The following KDM2B variants were observed in gnomAD, a reference collection of about 807,000 sequenced individuals.
The protein encoded by KDM2B is lysine demethylase 2B.
A neutral mutation model predicts 150.0 loss-of-function variants in KDM2B; 26 were observed. That is an observed-to-expected ratio of 0.17 (90% CI 0.13 to 0.24). The LOEUF (loss-of-function observed/expected upper bound fraction) is 0.24. KDM2B is among the 10% of genes least tolerant of loss of function. KDM2B has a pLI of 1.00. For synonymous variants in KDM2B, 734 were observed against 729.5 expected (o/e 1.01, Z -0.10); for missense variants, 1,265 against 1,816.9 (o/e 0.70, Z 5.52).
Position 121,453,706 on chromosome 12 carries a change from G to C in KDM2B, c.1735-362C>G, listed in dbSNP as rs1555292216. Among the ~76,000 whole-genome samples, 1 of 152,086 alleles carries C rather than the reference G, an allele frequency of 6.6e-6. No homozygotes were observed. The highest frequency in any genetic ancestry group is 2.4e-5 in the African/African-American group (1 of 41,400). ...GGATGGCAGCACATACCAGGAGCTG[G>C]AGGCGCGGGGAAGGACCCTCCCCTA... On this transcript the variant is annotated intron_variant, in intron 12 of 22. Coordinates refer to ENST00000377071, the MANE Select transcript of KDM2B (RefSeq NM_032590.5). The surrounding 1 kb of genome is among the most constrained non-coding windows in gnomAD (Gnocchi z 6.4).
chr12:121,557,404 A>AT (rs1168938991), intron 4 of KDM2B, among the ~76,000 whole-genome samples: 2 of 151,612 alleles, frequency 1.3e-5, no homozygotes, highest in African/African-American at 2.4e-5. Flanking sequence ...CTTCCGGCTA[A>AT]TTTTTTTGTA....
At chr12:121,565,718 C>G (rs970200971) in intron 4 of KDM2B, among the ~76,000 whole-genome samples, 1 of 151,726 alleles carries the variant, frequency 6.6e-6, no homozygotes, top group Admixed American at 6.6e-5. Flanking sequence ...TCCGCCCCAC[C>G]GGGTTCAAGC....
At chr12:121,423,610 A>G in the KDM2B span, 12 of 1,580,932 alleles carry the variant, frequency 7.6e-6, no homozygotes, top group Admixed American at 2.1e-4. The surrounding 1 kb of genome is among the most constrained non-coding windows in gnomAD (Gnocchi z 4.3). Flanking sequence ...GTCACCCCCA[A>G]ACTTGACCCC....
intron 8 of KDM2B, among the ~76,000 whole-genome samples, chr12:121,528,292 C>G (rs1286349087): frequency 6.6e-6 from 1 of 152,230 alleles, no homozygotes. Flanking sequence ...GGCGCTATGG[C>G]TTATGCCTGT....
intron 9 of KDM2B, among the ~76,000 whole-genome samples, chr12:121,519,138 T>C (rs928466147): frequency 6.6e-6 from 1 of 152,092 alleles, no homozygotes; most frequent in Non-Finnish European, 1.5e-5. Context: ...CCTCACAACA[T>C]CTGACCACTG....
intron 7 of KDM2B, 40 bp from the exon 8 acceptor site, chr12:121,532,999 C>T (rs1248991081): frequency 6.2e-7 from 1 of 1,610,814 alleles, no homozygotes; most frequent in Non-Finnish European, 8.5e-7. Flanking sequence ...AGACCCAGGC[C>T]CAGACAAGAC....
rs1156492759 is a variant in KDM2B at position 121,549,528 on chromosome 12, G to C, written c.508C>G (p.Leu170Val). Residue 170 changes from leucine to valine, a missense_variant, in exon 5 of 23, where the codon CTG becomes GTG. By Grantham distance (32) the Leu-to-Val change is conservative. This residue lies in a region of KDM2B where 214 missense variants were observed against 447.4 expected (regional missense o/e 0.48). Transcript: ENST00000377071. The surrounding 1 kb of genome is among the most constrained non-coding windows in gnomAD (Gnocchi z 4.4). ...YETPEAQRDK[L>V]YNVISLEFSH... is the part of the protein sequence containing the mutation. The stretch of plus-strand genomic sequence containing the variant: ...AACTCTAGGCTGATGACGTTGTACA[G>C]CTTGTCCCGCTGGGCCTCGGGCGTC... The C allele has an allele frequency of 6.2e-7, 1 of 1,613,560 alleles. No individual in the cohort carries two copies. Among genetic ancestry groups the C allele is most frequent in the Non-Finnish European group, 8.5e-7 (1 of 1,179,724 alleles).
At chr12:121,558,972 T>C (rs1890123324) in intron 4 of KDM2B, among the ~76,000 whole-genome samples, 1 of 152,202 alleles carries the variant, frequency 6.6e-6, no homozygotes, top group Non-Finnish European at 1.5e-5. Context: ...TGGCCTCCGC[T>C]ACTTTGCAGC....
intron 4 of KDM2B, among the ~76,000 whole-genome samples, chr12:121,565,024 G>A (rs1890600925): frequency 6.6e-6 from 1 of 151,890 alleles, no homozygotes; most frequent in Non-Finnish European, 1.5e-5. Flanking sequence ...TCTAAAGAGG[G>A]GTTTCATCAT....
chr12:121,471,142 T>C (rs1880727870), intron 12 of KDM2B, among the ~76,000 whole-genome samples: 1 of 152,230 alleles, frequency 6.6e-6, no homozygotes, highest in African/African-American at 2.4e-5. Context: ...CCAACAGAAT[T>C]GCCAACTTAA....
intron 9 of KDM2B, chr12:121,516,777 G>C (rs1384901557): frequency 6.0e-6 from 4 of 661,536 alleles, no homozygotes; most frequent in Admixed American, 2.7e-5. Flanking sequence ...AAGGTTTCTC[G>C]AGTGTATCTA....
At position 121,509,683 on chromosome 12, in the gene KDM2B, C is replaced by T. The variant is rs368054968; in HGVS notation, c.1531G>A (p.Glu511Lys). 17 of 1,613,970 alleles carry T rather than the reference C, an allele frequency of 1.1e-5. No homozygotes were observed. The Admixed American group carries it at 1.7e-4, about 16-fold the overall frequency. Residue 511 changes from glutamate (E) to lysine (K), a missense_variant, in exon 11 of 23, where the codon GAG becomes AAG. By Grantham distance (56) the Glu-to-Lys change is moderately conservative. Transcript: ENST00000377071. The stretch of plus-strand genomic sequence containing the variant: ...GCTTTCAGGCCCTTCAGTTCAAACT[C>T]AGTGAGATGGGTCCATTTGGCAGAG... Reference protein sequence around the residue: ...EVSAKWTHLTEFELKGLKALV... With the variant: ...EVSAKWTHLTKFELKGLKALV...
the KDM2B span, chr12:121,409,814 C>T: frequency 0.19 from 29,068 of 152,122 alleles, 4,284 homozygotes; most frequent in African/African-American, 0.41. Context: ...TGAAGGGCAG[C>T]GGGGGTGGGT....
At position 121,532,918 on chromosome 12, in the gene KDM2B, C is replaced by T. The variant is rs1348746112; in HGVS notation, c.819G>A (p.Leu273=). 6.2e-7 allele frequency: 1 copy of T among 1,614,078 alleles called. No homozygotes were observed. The highest frequency in any genetic ancestry group is 8.5e-7 in the Non-Finnish European group (1 of 1,180,042). The change falls in exon 8 of 23, where the codon CTG becomes CTA. Residue 273 remains leucine (L), a synonymous_variant. Transcript: ENST00000377071. ...TGCCTGACAGCACCCACTCCTCGTA[C>T]AGCGCCAAATTGTGCAGCGTTGGAG... The part of the protein sequence containing the change: ...LIPPTLHNLA[L]YEEWVLSGKQ...
intron 11 of KDM2B, among the ~76,000 whole-genome samples, chr12:121,501,086 G>A (rs1208740436): frequency 6.6e-6 from 1 of 152,120 alleles, no homozygotes; most frequent in East Asian, 1.9e-4. Context: ...GGGCAACAGA[G>A]CAAGATTCCA....
chr12:121,420,582 C>T, the KDM2B span: 11 of 1,614,020 alleles, frequency 6.8e-6, no homozygotes, highest in South Asian at 5.5e-5. Flanking sequence ...TTCAGAACCC[C>T]GGGCTCTCCA....
At chr12:121,519,710 T>C (rs782314378) in intron 9 of KDM2B, among the ~76,000 whole-genome samples, 15 of 152,176 alleles carry the variant, frequency 9.9e-5, no homozygotes, top group Non-Finnish European at 1.5e-5. Context: ...GTGGTGATCA[T>C]GACACAATCT....
Position 121,533,085 on chromosome 12 carries a change from G to A in KDM2B, c.778-126C>T, listed in dbSNP as rs1253740333. 12 of 883,794 alleles carry A rather than the reference G, an allele frequency of 1.4e-5. No individual in the cohort carries two copies. Among genetic ancestry groups the A allele is most frequent in the Non-Finnish European group, 1.7e-5 (10 of 573,366 alleles). The allele number at this position is 883,794 out of a possible 1,614,324, so 54.7% of individuals were successfully genotyped here. A position where few individuals can be genotyped will look rare whatever the true frequency, so the allele number is the denominator to read the frequency against. Reference sequence around the variant, plus strand: ...CTGTGTGTGGGGTGGGGGGTGTGGAGAGATGGCAGATCCATCCCTCTGGAC... The same window carrying A: ...CTGTGTGTGGGGTGGGGGGTGTGGAAAGATGGCAGATCCATCCCTCTGGAC... On this transcript the variant is annotated intron_variant, in intron 7 of 22. Transcript: ENST00000377071. This position sits in a 1 kb window ranked among gnomAD's most constrained non-coding sequence, Gnocchi z 4.1.
At position 121,575,422 on chromosome 12, in the gene KDM2B, C is replaced by CT. The variant is rs1891435743; in HGVS notation, c.350+358dup. 6.6e-6 allele frequency among the ~76,000 whole-genome samples: 1 copy of CT among 152,206 alleles called. No individual in the cohort carries two copies. Among genetic ancestry groups the CT allele is most frequent in the Non-Finnish European group, 1.5e-5 (1 of 68,036 alleles). On this transcript the variant is annotated intron_variant, in intron 3 of 22. Transcript: ENST00000377071. This position sits in a 1 kb window ranked among gnomAD's most constrained non-coding sequence, Gnocchi z 4.4. Reference sequence around the variant, plus strand: ...CCCTGGGTCTGGGCTTAGAGGCTGGCTAGTCTCTTTGCAGCTCAGGCTCTG... The same window carrying CT: ...CCCTGGGTCTGGGCTTAGAGGCTGGCTTAGTCTCTTTGCAGCTCAGGCTCTG...
Sources: allele counts gnomAD v4.1 joint callset (sites outside exome capture counted in the v4.1 genomes callset), GRCh38; gene constraint gnomAD v4.1.1; regional missense constraint gnomAD v4.1.1; non-coding constraint Gnocchi (gnomAD v3.1); transcripts MANE v1.5; gene names NCBI Gene and HGNC (gene_info 2026-07-23, HGNC 2026-07-21).